ZNF592: variants seen among roughly 807,000 people sequenced by gnomAD.
The protein encoded by ZNF592 is zinc finger protein 592, also known as spinocerebellar ataxia, autosomal recessive 5.
ZNF592 carries 11 observed loss-of-function variants against 80.3 expected under a neutral mutation model. That is an observed-to-expected ratio of 0.14 (90% CI 0.09 to 0.23). ZNF592 has a LOEUF of 0.23. ZNF592 is among the 10% of genes least tolerant of loss of function. ZNF592 has a pLI of 1.00. For synonymous variants in ZNF592, 646 were observed against 640.3 expected, an observed-to-expected ratio of 1.01 and a Z score of -0.13; for missense variants, 1,420 against 1,633.9, an observed-to-expected ratio of 0.87 and a Z score of 2.26.
chr15:84,776,929 A>G (rs957081203), intron 2 of ZNF592, among the ~76,000 whole-genome samples: 75 of 151,834 alleles, frequency 4.9e-4, no homozygotes, highest in South Asian at 1.2e-3. Context: ...GTGCGTGCCT[A>G]TAATCCCAGC....
chr15:84,790,598 G>T, intron 4 of ZNF592, 107 bp from the exon 5 acceptor site: 1 of 1,124,060 alleles, frequency 8.9e-7, no homozygotes, highest in Non-Finnish European at 1.3e-6. Flanking sequence ...GAGTGGTTGG[G>T]GGAAGGGGTT....
At chr15:84,781,166 A>G (rs1279716447) in intron 3 of ZNF592, among the ~76,000 whole-genome samples, 3 of 152,018 alleles carry the variant, frequency 2.0e-5, no homozygotes, top group African/African-American at 4.8e-5. Flanking sequence ...CTCCTGCCTC[A>G]GCCTCCGGAG....
chr15:84,796,278 TATATATATATATATATAAAAA>T (rs1962916522), intron 5 of ZNF592, among the ~76,000 whole-genome samples: 1 of 51,904 alleles, frequency 1.9e-5, no homozygotes, highest in African/African-American at 1.1e-4. Context: ...TATATATATA[TATATATATATATATATAAAAA>T]AACGAAGGGT....
Position 84,761,849 on chromosome 15 carries a change from G to A in ZNF592, c.-258-2858G>A, listed in dbSNP as rs183355607. On this transcript the variant is annotated intron_variant, in intron 1 of 10. Transcript: ENST00000560079. ...CCTTTCAAGTTCATTTTCTGTTTCC[G>A]TATGTTTATTTCTCAGAACAAATTG... Among the ~76,000 whole-genome samples, 11 of 152,264 alleles carry A rather than the reference G, an allele frequency of 7.2e-5. No homozygotes were observed. The East Asian group carries it at 1.3e-3, about 19-fold the overall frequency.
rs1308227628 is a variant in ZNF592, at chr15:84,806,209, C to G, written c.*3816C>G. 3.3e-5 allele frequency: 5 copies of G among 152,180 alleles called. No homozygotes were observed. The allele number at this position is 152,180 out of a possible 1,614,324, so 9.4% of individuals were successfully genotyped here. A position where few individuals can be genotyped will look rare whatever the true frequency, so the allele number is the denominator to read the frequency against. ...GCACCTTCTAGATTCTAGAATGTGT[C>G]CTCCTGACTAAGGGGTTCAGGATAC... On this transcript the variant is annotated 3_prime_UTR_variant, in exon 11 of 11. Coordinates refer to ENST00000560079, the MANE Select transcript of ZNF592 (RefSeq NM_014630.3).
At chr15:84,786,950 A>G (rs1345503495) in intron 4 of ZNF592, among the ~76,000 whole-genome samples, 4 of 144,770 alleles carry the variant, frequency 2.8e-5, no homozygotes, top group Non-Finnish European at 5.9e-5. Flanking sequence ...TCCTGGGTTC[A>G]AGTGATTCTC....
chr15:84,802,267 G>T lies in ZNF592; in HGVS notation c.3678G>T (p.Leu1226Phe), dbSNP rs752268006. 6.2e-7 allele frequency: 1 copy of T among 1,609,460 alleles called. No individual in the cohort carries two copies. Among genetic ancestry groups the T allele is most frequent in the South Asian group, 1.1e-5 (1 of 90,806 alleles). ...NGLEECAGEP[L>F]SADPEARRLL... ...TGGAAGAATGTGCCGGTGAGCCTTT[G>T]TCAGCTGACCCAGAGGCGAGGAGAT... Residue 1226 changes from leucine (L) to phenylalanine (F), a missense_variant, in exon 11 of 11, where the codon TTG becomes TTT. By Grantham distance (22) the Leu-to-Phe change is conservative. This residue lies in a region of ZNF592 where 145 missense variants were observed against 211.9 expected (regional missense o/e 0.68). Coordinates refer to ENST00000560079, the MANE Select transcript of ZNF592 (RefSeq NM_014630.3).
At chr15:84,792,426 C>T (rs559594719) in intron 5 of ZNF592, among the ~76,000 whole-genome samples, 11 of 152,116 alleles carry the variant, frequency 7.2e-5, no homozygotes, top group Admixed American at 2.6e-4. Context: ...GCAATGACTC[C>T]CACATTTCTG....
intron 10 of ZNF592, among the ~76,000 whole-genome samples, chr15:84,801,484 A>C (rs1023987784): frequency 4.6e-5 from 7 of 152,340 alleles, no homozygotes; most frequent in African/African-American, 1.4e-4. Flanking sequence ...TGGGCAACAG[A>C]GTAAGACCCT....
At chr15:84,785,361 G>A (rs529752556) in intron 4 of ZNF592, among the ~76,000 whole-genome samples, 9 of 152,070 alleles carry the variant, frequency 5.9e-5, no homozygotes, top group African/African-American at 2.2e-4. Flanking sequence ...ACCCAGGCTG[G>A]AGTGCACTGG....
chr15:84,753,082 T>C (rs1232662190), intron 1 of ZNF592: 1 of 152,200 alleles, frequency 6.6e-6, no homozygotes, highest in African/African-American at 2.4e-5. Context: ...CTATTTAGTA[T>C]AGTCAACAAT....
Position 84,782,831 on chromosome 15 carries a change from G to C in ZNF592, c.156G>C (p.Val52=). ...KPPGICMDES[V]SLSHSGSAPD... is the part of the protein sequence containing the mutation. ...CAGGCATATGTATGGATGAAAGTGTGTCCTTGTCTCACTCAGGATCAGCCC... is the reference window on the plus strand; with the variant it reads ...CAGGCATATGTATGGATGAAAGTGTCTCCTTGTCTCACTCAGGATCAGCCC... The change falls in exon 4 of 11, where the codon GTG becomes GTC. Residue 52 remains valine, a synonymous_variant. Transcript: ENST00000560079. The C allele has an allele frequency of 6.2e-7, 1 of 1,614,114 alleles. No individual in the cohort carries two copies. The highest frequency in any genetic ancestry group is 8.5e-7 in the Non-Finnish European group (1 of 1,180,022).
intron 4 of ZNF592, among the ~76,000 whole-genome samples, chr15:84,788,907 T>C (rs886207505): frequency 2.0e-5 from 3 of 152,122 alleles, no homozygotes; most frequent in Non-Finnish European, 4.4e-5. Context: ...TTGTAGCATA[T>C]GTCAGAATCT....
chr15:84,759,496 AGTAT>A, intron 1 of ZNF592, among the ~76,000 whole-genome samples: 2 of 152,276 alleles, frequency 1.3e-5, no homozygotes, highest in African/African-American at 4.8e-5. Context: ...CTATCCACAA[AGTAT>A]GAACCCCAGT....
At position 84,804,246 on chromosome 15, in the gene ZNF592, T is replaced by G. The variant is rs1190080583; in HGVS notation, c.*1853T>G. 1.3e-5 allele frequency: 2 copies of G among 152,240 alleles called. No homozygotes were observed. The highest frequency in any genetic ancestry group is 1.5e-5 in the Non-Finnish European group (1 of 68,050). The allele number at this position is 152,240 out of a possible 1,614,324, so 9.4% of individuals were successfully genotyped here. On this transcript the variant is annotated 3_prime_UTR_variant, in exon 11 of 11. Transcript: ENST00000560079. ...CCAGACCTAGACCTGCCGTAGCTGTTGTCCCATGCCTAATTCTAGTTACAG... is the reference window on the plus strand; with the variant it reads ...CCAGACCTAGACCTGCCGTAGCTGTGGTCCCATGCCTAATTCTAGTTACAG...
At chr15:84,780,940 T>C (rs1962403444) in intron 3 of ZNF592, among the ~76,000 whole-genome samples, 1 of 152,226 alleles carries the variant, frequency 6.6e-6, no homozygotes, top group Non-Finnish European at 1.5e-5. Context: ...TAGTTTTACA[T>C]TGTTATAGTC....
chr15:84,798,408 C>A lies in ZNF592; in HGVS notation c.2670C>A (p.Gly890=). The change falls in exon 7 of 11, where the codon GGC becomes GGA. Residue 890 remains glycine, a synonymous_variant. Coordinates refer to ENST00000560079, the MANE Select transcript of ZNF592 (RefSeq NM_014630.3). The surrounding 1 kb of genome is among the most constrained non-coding windows in gnomAD (Gnocchi z 4.5). ...FYQNVSKTQV[G]VFKCPECPLL... is the part of the protein sequence containing the mutation. ...AGAATGTCAGCAAGACGCAGGTGGG[C>A]GTCTTCAAGTGCCCTGAGTGCCCAC... 2 of 1,614,132 alleles carry A rather than the reference C, an allele frequency of 1.2e-6. No homozygotes were observed. The highest frequency in any genetic ancestry group is 1.7e-6 in the Non-Finnish European group (2 of 1,180,014).
intron 1 of ZNF592, among the ~76,000 whole-genome samples, chr15:84,751,003 G>A (rs1898998192): frequency 6.6e-6 from 1 of 152,210 alleles, no homozygotes; most frequent in African/African-American, 2.4e-5. Context: ...CCCTGTGCAG[G>A]GAATGGACTT....
At chr15:84,749,288 C>T (rs969906832) in intron 1 of ZNF592, among the ~76,000 whole-genome samples, 2 of 152,210 alleles carry the variant, frequency 1.3e-5, no homozygotes, top group African/African-American at 2.4e-5. Context: ...AGGGCTCTTC[C>T]TGCCAACGAG....
Sources: allele counts gnomAD v4.1 joint callset (sites outside exome capture counted in the v4.1 genomes callset), GRCh38; gene constraint gnomAD v4.1.1; regional missense constraint gnomAD v4.1.1; non-coding constraint Gnocchi (gnomAD v3.1); transcripts MANE v1.5; gene names NCBI Gene and HGNC (gene_info 2026-07-23, HGNC 2026-07-21).